The following ZNF407 variants were observed in gnomAD, a reference collection of about 807,000 sequenced individuals.
The protein encoded by ZNF407 is zinc finger protein 407.
Under a neutral mutation model 131.2 loss-of-function variants are expected in ZNF407, and 17 were observed. That is an observed-to-expected ratio of 0.13 (90% CI 0.09 to 0.19). The LOEUF (loss-of-function observed/expected upper bound fraction) is 0.19. ZNF407 is among the 10% of genes least tolerant of loss of function. The pLI is 1.00. For missense variants in ZNF407, 2,681 were observed against 2,830.6 expected (o/e 0.95, Z 1.20); for synonymous variants, 1,156 against 1,062.0 (o/e 1.09, Z -1.72).
At position 74,703,823 on chromosome 18, in the gene ZNF407, T is replaced by C. The variant is rs1480799428; in HGVS notation, c.4802+62701T>C. Reference sequence around the variant, plus strand: ...GACTCTTTCTAAATATACAGTTTTGTTGATTAATTAATCATTTAATATTCT... The same window carrying C: ...GACTCTTTCTAAATATACAGTTTTGCTGATTAATTAATCATTTAATATTCT... On this transcript the variant is annotated intron_variant, in intron 3 of 8. Coordinates refer to ENST00000299687, the MANE Select transcript of ZNF407 (RefSeq NM_017757.3). The surrounding 1 kb of genome is among the most constrained non-coding windows in gnomAD (Gnocchi z 4.1). Among the ~76,000 whole-genome samples, 1 of 152,212 alleles carries C rather than the reference T, an allele frequency of 6.6e-6. No individual in the cohort carries two copies. Among genetic ancestry groups the C allele is most frequent in the East Asian group, 1.9e-4 (1 of 5,202 alleles).
At chr18:74,894,209 C>G (rs1971423642) in intron 7 of ZNF407, among the ~76,000 whole-genome samples, 1 of 152,038 alleles carries the variant, frequency 6.6e-6, no homozygotes, top group South Asian at 2.1e-4. Context: ...AAAGTCTAAT[C>G]CATTACAAAT....
At chr18:74,676,583 C>T (rs1168213791) in intron 3 of ZNF407, among the ~76,000 whole-genome samples, 3 of 150,892 alleles carry the variant, frequency 2.0e-5, no homozygotes, top group East Asian at 2.0e-4. Context: ...ACTACAGGCG[C>T]CCACCACCGT....
intron 8 of ZNF407, among the ~76,000 whole-genome samples, chr18:74,943,975 A>G (rs527942996): frequency 6.6e-6 from 1 of 152,314 alleles, no homozygotes; most frequent in African/African-American, 2.4e-5. Flanking sequence ...GTGGATTGCT[A>G]CCAGAAATAA....
intron 8 of ZNF407, among the ~76,000 whole-genome samples, chr18:75,001,356 A>G (rs373222259): frequency 7.5e-4 from 114 of 152,322 alleles, no homozygotes; most frequent in African/African-American, 2.7e-3. Flanking sequence ...TTAAGGTTTT[A>G]TTTTGAGCCA....
At chr18:74,670,165 G>A (rs1986086384) in intron 3 of ZNF407, among the ~76,000 whole-genome samples, 2 of 152,224 alleles carry the variant, frequency 1.3e-5, no homozygotes, top group Non-Finnish European at 2.9e-5. Context: ...GGGAGTTCCT[G>A]ACAGTTGGAC....
chr18:75,037,629 A>T (rs1210473247), intron 8 of ZNF407, among the ~76,000 whole-genome samples: 1 of 152,200 alleles, frequency 6.6e-6, no homozygotes, highest in Non-Finnish European at 1.5e-5. Context: ...ATTACAGCTC[A>T]AAGGTTAAGA....
intron 8 of ZNF407, among the ~76,000 whole-genome samples, chr18:74,972,981 T>C (rs913452909): frequency 6.6e-6 from 1 of 152,204 alleles, no homozygotes; most frequent in African/African-American, 2.4e-5. Context: ...GTCTGCCATT[T>C]TATTTTTTCG....
At chr18:74,771,076 T>G (rs1969350072) in intron 3 of ZNF407, among the ~76,000 whole-genome samples, 2 of 152,150 alleles carry the variant, frequency 1.3e-5, no homozygotes, top group Non-Finnish European at 2.9e-5. Flanking sequence ...AACAAGTTGC[T>G]TGATATAAAA....
At chr18:75,006,003 T>TA (rs1460470398) in intron 8 of ZNF407, among the ~76,000 whole-genome samples, 3 of 152,130 alleles carry the variant, frequency 2.0e-5, no homozygotes, top group Non-Finnish European at 4.4e-5. Context: ...GAATCTCCGT[T>TA]AAAATAAAGT....
intron 4 of ZNF407, among the ~76,000 whole-genome samples, chr18:74,847,610 C>G (rs1439846510): frequency 1.3e-5 from 2 of 152,088 alleles, no homozygotes; most frequent in Non-Finnish European, 2.9e-5. Context: ...CAGGTGGAAG[C>G]ACCTCCTACT....
intron 8 of ZNF407, among the ~76,000 whole-genome samples, chr18:75,053,585 T>C (rs1973526934): frequency 6.6e-6 from 1 of 152,248 alleles, no homozygotes; most frequent in Non-Finnish European, 1.5e-5. Context: ...GGGTATGTTA[T>C]TCTGTAGAGC....
At chr18:74,778,602 CATA>C (rs1167225013) in intron 3 of ZNF407, among the ~76,000 whole-genome samples, 1 of 152,032 alleles carries the variant, frequency 6.6e-6, no homozygotes, top group African/African-American at 2.4e-5. Flanking sequence ...CTGTTCCTTG[CATA>C]ATAGTAGATC....
chr18:74,952,058 G>C (rs1260378549), intron 8 of ZNF407, among the ~76,000 whole-genome samples: 1 of 152,168 alleles, frequency 6.6e-6, no homozygotes, highest in Non-Finnish European at 1.5e-5. Flanking sequence ...AGTTTTCTCA[G>C]CTTCTGTCAT....
In ZNF407 at chr18:74,639,745, CT is replaced by C. The variant is rs1984622408; in HGVS notation, c.4688-1257del. ...GTCTGCCGGTGCTTAGTACTGTTGA[CT>C]TTTTTATTTCTGTTGGAAGATTAAA... is the stretch of plus-strand genomic sequence containing the variant. On this transcript the variant is annotated intron_variant, in intron 2 of 8. Coordinates refer to ENST00000299687, the MANE Select transcript of ZNF407 (RefSeq NM_017757.3). 2.0e-5 allele frequency among the ~76,000 whole-genome samples: 3 copies of C among 152,094 alleles called. No individual in the cohort carries two copies. The South Asian group carries it at 6.2e-4, about 32-fold the overall frequency.
chr18:74,915,712 T>C (rs1237145872), intron 7 of ZNF407, among the ~76,000 whole-genome samples: 1 of 90,668 alleles, frequency 1.1e-5, no homozygotes, highest in Non-Finnish European at 2.3e-5. Flanking sequence ...TGTGTGTGTG[T>C]GTGTGTGTGC....
At chr18:75,062,662 G>A (rs936919423) in intron 8 of ZNF407, 1 of 152,450 alleles carries the variant, frequency 6.6e-6, no homozygotes. Flanking sequence ...AATTTAATAT[G>A]CAAGGCTTTC....
intron 3 of ZNF407, among the ~76,000 whole-genome samples, chr18:74,663,807 C>CG (rs1985816809): frequency 6.6e-6 from 1 of 152,120 alleles, no homozygotes; most frequent in African/African-American, 2.4e-5. Flanking sequence ...ATTAGACAAA[C>CG]GGAGGTACAC....
chr18:74,874,421 T>C (rs1334635835), intron 4 of ZNF407, among the ~76,000 whole-genome samples: 1 of 152,198 alleles, frequency 6.6e-6, no homozygotes, highest in East Asian at 1.9e-4. Flanking sequence ...GAAAAGCATT[T>C]AAAACATTGA....
intron 7 of ZNF407, among the ~76,000 whole-genome samples, chr18:74,891,936 A>G (rs1205554934): frequency 6.6e-6 from 1 of 152,108 alleles, no homozygotes; most frequent in Non-Finnish European, 1.5e-5. Flanking sequence ...AAAAAATTCT[A>G]AATACCTTTC....
Sources: allele counts gnomAD v4.1 joint callset (sites outside exome capture counted in the v4.1 genomes callset), GRCh38; gene constraint gnomAD v4.1.1; non-coding constraint Gnocchi (gnomAD v3.1); transcripts MANE v1.5; gene names NCBI Gene and HGNC (gene_info 2026-07-23, HGNC 2026-07-21).